The following KLF8 variants were observed in gnomAD, a reference collection of about 807,000 sequenced individuals.
The protein encoded by KLF8 is KLF transcription factor 8, also known as Krueppel-like factor 8.
Under a neutral mutation model 18.2 loss-of-function variants are expected in KLF8, and 10 were observed. That is an observed-to-expected ratio of 0.55 (90% CI 0.34 to 0.93). The LOEUF is 0.93. Among genes scored for constraint, KLF8 ranks in the 40% least tolerant of loss-of-function variants. The pLI, the probability that KLF8 is intolerant of heterozygous loss-of-function variation, is 0.02. For missense variants in KLF8, 264 were observed against 277.9 expected (o/e 0.95, Z 0.36); for synonymous variants, 109 against 97.3 (o/e 1.12, Z -0.71).
the KLF8 span, among the ~76,000 whole-genome samples, chrX:56,071,327 T>C: frequency 1.8e-5 from 2 of 111,487 alleles, no homozygotes; most frequent in African/African-American, 6.5e-5. Flanking sequence ...AAGTTCAGAG[T>C]AGTTGCTATG....
Position 56,232,478 on chromosome X carries a change from T to C in KLF8, c.-857T>C, listed in dbSNP as rs1291717385. On this transcript the variant is annotated 5_prime_UTR_variant, in exon 1 of 6. Transcript: ENST00000468660. ...GGGCCAGAGAAAGACGGAATCACTC[T>C]ACCCACTCAGGTTGCCCAGAGAGCA... The C allele has an allele frequency of 9.0e-6, 1 of 111,225 alleles. No homozygotes were observed. Among genetic ancestry groups the C allele is most frequent in the Non-Finnish European group, 1.9e-5 (1 of 52,964 alleles). 9.2% of individuals were successfully genotyped at this position (111,225 alleles called of 1,213,427 possible).
the KLF8 span, among the ~76,000 whole-genome samples, chrX:56,027,334 G>A: frequency 1.8e-5 from 2 of 111,736 alleles, no homozygotes; most frequent in African/African-American, 6.5e-5. Context: ...GTGGAAACTT[G>A]CTGGTGTCCC....
intron 2 of KLF8, among the ~76,000 whole-genome samples, chrX:56,253,307 T>C (rs1384415016): frequency 8.9e-6 from 1 of 112,264 alleles, no homozygotes; most frequent in Non-Finnish European, 1.9e-5. Context: ...CTGGAGATTT[T>C]CCCAAATATT....
chrX:56,265,043 A>T, intron 2 of KLF8, 137 bp from the exon 3 acceptor site: 1 of 706,932 alleles, frequency 1.4e-6, no homozygotes, highest in Admixed American at 4.6e-5. Context: ...TCTTTAGTTT[A>T]CTCCTGCCTT....
chrX:56,189,071 G>T, the KLF8 span, among the ~76,000 whole-genome samples: 4 of 111,605 alleles, frequency 3.6e-5, no homozygotes, highest in East Asian at 1.1e-3. Context: ...ACTACCATCA[G>T]AGTGAACAGG....
upstream of KLF8, among the ~76,000 whole-genome samples, chrX:56,227,717 G>T (rs1335638356): frequency 9.0e-6 from 1 of 111,442 alleles, no homozygotes; most frequent in Non-Finnish European, 1.9e-5. Context: ...ACAAGGCCAA[G>T]GATGTTATCC....
the KLF8 span, among the ~76,000 whole-genome samples, chrX:56,093,947 GTGTA>G: frequency 4.8e-3 from 497 of 103,690 alleles, 6 homozygotes; most frequent in African/African-American, 0.017. Context: ...GTGTGTGTGT[GTGTA>G]TGAGAGAGAA....
At chrX:56,039,109 G>A in the KLF8 span, among the ~76,000 whole-genome samples, 1 of 111,820 alleles carries the variant, frequency 8.9e-6, no homozygotes, top group African/African-American at 3.2e-5. Context: ...CTGGATATTA[G>A]AGTTTTGTCA....
At chrX:56,176,274 A>G in the KLF8 span, among the ~76,000 whole-genome samples, 2 of 111,597 alleles carry the variant, frequency 1.8e-5, no homozygotes, top group African/African-American at 6.5e-5. Context: ...TGCTTCCTTC[A>G]GGAGTTCTTT....
chrX:56,070,797 G>A, the KLF8 span, among the ~76,000 whole-genome samples: 3 of 112,681 alleles, frequency 2.7e-5, no homozygotes, highest in African/African-American at 9.7e-5. Flanking sequence ...AATAAAAAAA[G>A]AACATGTGGT....
chrX:56,167,078 C>T, the KLF8 span, among the ~76,000 whole-genome samples: 1 of 111,847 alleles, frequency 8.9e-6, no homozygotes, highest in African/African-American at 3.2e-5. Context: ...CAAGAAATAA[C>T]GCTGCAGAAA....
chrX:56,139,303 TTG>T, the KLF8 span, among the ~76,000 whole-genome samples: 1 of 111,780 alleles, frequency 8.9e-6, no homozygotes, highest in Non-Finnish European at 1.9e-5. Flanking sequence ...AAAAATCTCT[TTG>T]AAAATTCACA....
At chrX:56,158,839 C>T in the KLF8 span, among the ~76,000 whole-genome samples, 1 of 111,642 alleles carries the variant, frequency 9.0e-6, no homozygotes, top group Non-Finnish European at 1.9e-5. Context: ...CAAACAGGGA[C>T]AATTTGACTT....
the KLF8 span, among the ~76,000 whole-genome samples, chrX:56,224,676 A>G: frequency 8.9e-6 from 1 of 112,338 alleles, no homozygotes; most frequent in South Asian, 3.7e-4. Flanking sequence ...TATTATACAA[A>G]TATTTTCTGT....
chrX:55,924,790 A>G, the KLF8 span, among the ~76,000 whole-genome samples: 4 of 89,186 alleles, frequency 4.5e-5, no homozygotes, highest in African/African-American at 1.3e-4. Flanking sequence ...CTCTCCTATT[A>G]TTATGTGGAG....
the KLF8 span, among the ~76,000 whole-genome samples, chrX:55,909,186 AC>A: frequency 8.9e-5 from 10 of 112,160 alleles, no homozygotes; most frequent in African/African-American, 3.2e-4. Flanking sequence ...GCACTATTTA[AC>A]TGGAAATTCA....
chrX:55,988,209 G>T, the KLF8 span, among the ~76,000 whole-genome samples: 1 of 111,220 alleles, frequency 9.0e-6, no homozygotes, highest in Non-Finnish European at 1.9e-5. Context: ...AGTTTAATTA[G>T]ATCCCATTTG....
At chrX:55,932,496 G>T in the KLF8 span, among the ~76,000 whole-genome samples, 5 of 111,849 alleles carry the variant, frequency 4.5e-5, no homozygotes, top group Non-Finnish European at 9.4e-5. Context: ...TGTTTTTGCA[G>T]TGGCTGGTAC....
the KLF8 span, among the ~76,000 whole-genome samples, chrX:56,176,592 C>T: frequency 1.8e-5 from 2 of 110,629 alleles, no homozygotes; most frequent in Non-Finnish European, 3.8e-5. Flanking sequence ...TGGAGTTGCT[C>T]TTCTCGAGGA....
Sources: gnomAD v4.1 joint callset for allele counts (sites outside exome capture counted in the v4.1 genomes callset) on GRCh38, gnomAD v4.1.1 for gene constraint, MANE v1.5 for transcripts, NCBI Gene and HGNC (gene_info 2026-07-23, HGNC 2026-07-21) for gene names.